Variants in FAM13B observed in about 807,000 individuals in gnomAD.
FAM13B encodes protein FAM13B.
In FAM13B, 60 loss-of-function variants were observed where a neutral mutation model predicts 117.3. That is an observed-to-expected ratio of 0.51 (90% CI 0.42 to 0.63). The LOEUF (loss-of-function observed/expected upper bound fraction) is 0.63. FAM13B is among the 30% of genes least tolerant of loss of function. The pLI, the probability that FAM13B is intolerant of heterozygous loss-of-function variation, is 0.00. For missense variants in FAM13B, 972 were observed against 1,091.9 expected (o/e 0.89, Z 1.55); for synonymous variants, 332 against 356.1 (o/e 0.93, Z 0.76).
At chr5:138,051,682 C>A (rs1360505297) in intron 1 of FAM13B, among the ~76,000 whole-genome samples, 2 of 152,126 alleles carry the variant, frequency 1.3e-5, no homozygotes, top group Non-Finnish European at 2.9e-5. Flanking sequence ...CTGTGCTGGT[C>A]CCTACACTAT....
chr5:137,997,455 G>C (rs573403419), intron 7 of FAM13B, among the ~76,000 whole-genome samples: 1 of 151,360 alleles, frequency 6.6e-6, no homozygotes, highest in East Asian at 1.9e-4. Context: ...GACAACAAGA[G>C]CGAAACTCCA....
At chr5:138,042,245 CACAA>C (rs1478580362) in intron 1 of FAM13B, among the ~76,000 whole-genome samples, 1 of 152,134 alleles carries the variant, frequency 6.6e-6, no homozygotes. Flanking sequence ...AGAAGCCAGA[CACAA>C]ACAAATACTG....
At chr5:137,980,328 T>C (rs1775339568) in intron 10 of FAM13B, among the ~76,000 whole-genome samples, 1 of 151,918 alleles carries the variant, frequency 6.6e-6, no homozygotes, top group Admixed American at 6.6e-5. Flanking sequence ...GGGGAAGAAA[T>C]GGTGACAGGT....
In FAM13B at chr5:137,939,755, G is replaced by T. The variant is rs1170629736; in HGVS notation, c.*470C>A. On this transcript the variant is annotated 3_prime_UTR_variant, in exon 24 of 24. Transcript: ENST00000689681. ...TTCTAGGAAAACAGAGAACACAGTT[G>T]CGTATGTGCACTTTTATAGGCTTTT... 20 of 672,170 alleles carry T rather than the reference G, an allele frequency of 3.0e-5. No homozygotes were observed. 41.6% of individuals were successfully genotyped at this position (672,170 alleles called of 1,614,324 possible).
At chr5:137,983,203 A>C (rs1293993630) in intron 10 of FAM13B, among the ~76,000 whole-genome samples, 1 of 107,814 alleles carries the variant, frequency 9.3e-6, no homozygotes, top group African/African-American at 3.1e-5. Context: ...AAAAAAAAAA[A>C]AAAAAAAAAA....
At chr5:137,942,506 G>A (rs937575700) in intron 22 of FAM13B, 10 of 213,262 alleles carry the variant, frequency 4.7e-5, no homozygotes, top group Non-Finnish European at 7.4e-5. Flanking sequence ...GACTACACGC[G>A]AACACCACCA....
At chr5:138,038,263 A>G (rs976942923) in intron 1 of FAM13B, among the ~76,000 whole-genome samples, 2 of 152,316 alleles carry the variant, frequency 1.3e-5, no homozygotes, top group East Asian at 1.9e-4. Flanking sequence ...GTTACAGTAA[A>G]TACAAGCACA....
chr5:138,004,438 T>C (rs1782045258), intron 7 of FAM13B, among the ~76,000 whole-genome samples: 1 of 152,176 alleles, frequency 6.6e-6, no homozygotes, highest in African/African-American at 2.4e-5. Flanking sequence ...CTTAATGAAT[T>C]CACTTGTCTA....
intron 14 of FAM13B, 193 bp from the exon 15 acceptor site, chr5:137,954,569 C>T (rs1436077167): frequency 3.4e-6 from 1 of 294,814 alleles, no homozygotes; most frequent in Non-Finnish European, 6.1e-6. Flanking sequence ...CTTCATAAAG[C>T]CTACTATAGT....
chr5:137,959,722 T>C lies in FAM13B; in HGVS notation c.1335A>G (p.Glu445=), dbSNP rs1226599944. Residue 445 remains glutamate (E), a synonymous_variant, in exon 13 of 24, where the codon GAA becomes GAG. Coordinates refer to ENST00000689681, the MANE Select transcript of FAM13B (RefSeq NM_001385994.1). ...CACTCTGACCTCCTGGTACTTCTGA[T>C]TCAGTGTTGGCATTCAAATCACATA... ...SKICDLNANT[E]SEVPGGQSVG... is the part of the protein sequence containing the mutation. 2.5e-6 allele frequency: 4 copies of C among 1,613,896 alleles called. No individual in the cohort carries two copies. The highest frequency in any genetic ancestry group is 4.5e-5 in the East Asian group (2 of 44,874).
chr5:138,025,323 T>TGG (rs1561544211), intron 1 of FAM13B, among the ~76,000 whole-genome samples: 3 of 106,654 alleles, frequency 2.8e-5, no homozygotes, highest in South Asian at 4.6e-4. Context: ...ATTTTTTTTT[T>TGG]TTTTTTTTTT....
At position 137,948,790 on chromosome 5, in the gene FAM13B, T is replaced by A. The variant is rs897613312; in HGVS notation, c.2160+165A>T. 6.2e-4 allele frequency among the ~76,000 whole-genome samples: 94 copies of A among 152,306 alleles called. 1 individual carries two copies. Among genetic ancestry groups the A allele is most frequent in the African/African-American group, 2.1e-3 (87 of 41,566 alleles). ...TATTATGATTCAATTCTTGAAGTAT[T>A]TGGCACTTCTGTTATGCTGATTAAA... is the stretch of plus-strand genomic sequence containing the variant. On this transcript the variant is annotated intron_variant, in intron 18 of 23. Coordinates refer to ENST00000689681, the MANE Select transcript of FAM13B (RefSeq NM_001385994.1).
intron 15 of FAM13B, among the ~76,000 whole-genome samples, 154 bp from the exon 16 acceptor site, chr5:137,953,619 A>T (rs1350053518): frequency 1.3e-5 from 2 of 152,222 alleles, no homozygotes; most frequent in Non-Finnish European, 2.9e-5. Flanking sequence ...GAAACACTGT[A>T]ATGTTACAGA....
intron 1 of FAM13B, among the ~76,000 whole-genome samples, chr5:138,029,004 G>C (rs1789192194): frequency 6.6e-6 from 1 of 151,964 alleles, no homozygotes; most frequent in African/African-American, 2.4e-5. Context: ...AGGGGGACAA[G>C]AACGAGACTT....
At position 138,006,294 on chromosome 5, in the gene FAM13B, G is replaced by T. The variant is rs556422816; in HGVS notation, c.848+696C>A. On this transcript the variant is annotated intron_variant, in intron 7 of 23. Coordinates refer to ENST00000689681, the MANE Select transcript of FAM13B (RefSeq NM_001385994.1). ...ATAGCTGGATCCTCCTAAGTAGAAA[G>T]GGTTAGTAAACCATGGAGCTTTACG... is the stretch of plus-strand genomic sequence containing the variant. Among the ~76,000 whole-genome samples, 4 of 152,266 alleles carry T rather than the reference G, an allele frequency of 2.6e-5. No individual in the cohort carries two copies. The South Asian group carries it at 6.2e-4, about 24-fold the overall frequency.
At chr5:138,002,141 T>C (rs1781425176) in intron 7 of FAM13B, among the ~76,000 whole-genome samples, 1 of 152,230 alleles carries the variant, frequency 6.6e-6, no homozygotes, top group Non-Finnish European at 1.5e-5. Context: ...CATGTTATAC[T>C]AATGAAATCA....
At chr5:137,975,074 C>A (rs1773521266) in intron 10 of FAM13B, among the ~76,000 whole-genome samples, 1 of 152,110 alleles carries the variant, frequency 6.6e-6, no homozygotes, top group Admixed American at 6.6e-5. Context: ...ACCCACAATG[C>A]CTAAAATATT....
At chr5:138,044,991 A>G (rs996116399) in intron 1 of FAM13B, among the ~76,000 whole-genome samples, 25 of 152,360 alleles carry the variant, frequency 1.6e-4, no homozygotes, top group African/African-American at 5.8e-4. Context: ...GATAGTATCA[A>G]GTGATGTGGA....
chr5:137,946,342 C>CAAAAAACA, intron 18 of FAM13B, 31 bp from the exon 19 acceptor site: 3 of 919,174 alleles, frequency 3.3e-6, no homozygotes, highest in Non-Finnish European at 3.0e-6. Context: ...TAACAAAATA[C>CAAAAAACA]AAAAAAAAAA....
Sources: allele counts gnomAD v4.1 joint callset (sites outside exome capture counted in the v4.1 genomes callset), GRCh38; gene constraint gnomAD v4.1.1; transcripts MANE v1.5; gene names NCBI Gene and HGNC (gene_info 2026-07-23, HGNC 2026-07-21).